SBNO1: variants seen among roughly 807,000 people sequenced by gnomAD.
SBNO1 encodes the protein protein strawberry notch homolog 1.
A neutral mutation model predicts 173.6 loss-of-function variants in SBNO1; 23 were observed. That is an observed-to-expected ratio of 0.13 (90% CI 0.10 to 0.19). SBNO1 has a LOEUF of 0.19. Ranked by LOEUF, SBNO1 falls within the 10% of genes least tolerant of loss-of-function variation. The pLI, the probability that SBNO1 is intolerant of heterozygous loss-of-function variation, is 1.00. For missense variants in SBNO1, 1,238 were observed against 1,671.2 expected (o/e 0.74, Z 4.52); for synonymous variants, 632 against 571.5 (o/e 1.11, Z -1.51).
intron 5 of SBNO1, among the ~76,000 whole-genome samples, chr12:123,338,691 T>C (rs532196187): frequency 3.0e-4 from 45 of 150,870 alleles, no homozygotes; most frequent in Admixed American, 2.0e-3. Flanking sequence ...TCAAAATAAA[T>C]AAACAAAATA....
intron 14 of SBNO1, 39 bp from the exon 15 acceptor site, chr12:123,325,638 T>C (rs1351686381): frequency 7.8e-7 from 1 of 1,282,852 alleles, no homozygotes; most frequent in Non-Finnish European, 1.1e-6. Context: ...TGAATAATAA[T>C]GTTTGTGGCT....
intron 5 of SBNO1, among the ~76,000 whole-genome samples, chr12:123,340,335 C>T (rs1872380223): frequency 6.6e-6 from 1 of 152,058 alleles, no homozygotes; most frequent in African/African-American, 2.4e-5. Flanking sequence ...AATCTCAGCA[C>T]TTTCGGAGGC....
intron 20 of SBNO1, 138 bp downstream of exon 20, chr12:123,319,762 T>C (rs1593356571): frequency 4.1e-6 from 3 of 724,710 alleles, no homozygotes; most frequent in South Asian, 1.8e-5. Flanking sequence ...ATATTCAGTA[T>C]GTACAATTAC....
intron 1 of SBNO1, among the ~76,000 whole-genome samples, chr12:123,352,310 C>T (rs1873967559): frequency 6.6e-6 from 1 of 152,148 alleles, no homozygotes; most frequent in Admixed American, 6.6e-5. Flanking sequence ...TGGCATTAGC[C>T]AAGAGTACGA....
intron 29 of SBNO1, 45 bp from the exon 30 acceptor site, chr12:123,302,945 A>G (rs1430044275): frequency 7.1e-6 from 10 of 1,411,888 alleles, no homozygotes; most frequent in Non-Finnish European, 1.0e-5. Context: ...ATTGCTTTAA[A>G]TAAACTGGTT....
Position 123,340,821 on chromosome 12 carries a change from A to C in SBNO1, c.651+167T>G, listed in dbSNP as rs568020142. Among the ~76,000 whole-genome samples the C allele has an allele frequency of 2.4e-3, 358 of 152,192 alleles. 2 individuals are homozygous for C. Among genetic ancestry groups the C allele is most frequent in the African/African-American group, 7.6e-3 (314 of 41,536 alleles). On this transcript the variant is annotated intron_variant, in intron 5 of 31. Coordinates refer to ENST00000602398, the MANE Select transcript of SBNO1 (RefSeq NM_001167856.3). ...GCAAGTTTTAACCACCCTGGTTAGT[A>C]TCTATATTACTCCAGCGAGGTTTAA... is the stretch of plus-strand genomic sequence containing the variant.
At chr12:123,305,505 GCT>G (rs1336470168) in intron 28 of SBNO1, among the ~76,000 whole-genome samples, 2 of 151,970 alleles carry the variant, frequency 1.3e-5, no homozygotes, top group Non-Finnish European at 2.9e-5. Context: ...AGACAGTCTT[GCT>G]CTGTCACCAG....
In SBNO1 at chr12:123,345,396, T is replaced by C. The variant is rs1054761823; in HGVS notation, c.412A>G (p.Thr138Ala). ...GCAGAGGTCATGGCATTTCGTACTG[T>C]TGGTGCTGAGACTGACGGGCGTGTG... ...ASTRPSVSAP[T>A]VRNAMTSAPS... The change falls in exon 4 of 32, where the codon ACA becomes GCA. Residue 138 changes from threonine (T) to alanine (A), a missense_variant. Coordinates refer to ENST00000602398, the MANE Select transcript of SBNO1 (RefSeq NM_001167856.3). The C allele has an allele frequency of 1.2e-5, 20 of 1,614,104 alleles. No homozygotes were observed. The highest frequency in any genetic ancestry group is 1.4e-5 in the Non-Finnish European group (17 of 1,180,058).
At chr12:123,350,470 T>C (rs200544313) in intron 1 of SBNO1, 29 bp from the exon 2 acceptor site, 2 of 1,548,318 alleles carry the variant, frequency 1.3e-6, no homozygotes, top group African/African-American at 2.7e-5. Flanking sequence ...AATATTAACA[T>C]AAAAAACAAA....
At chr12:123,352,896 C>G (rs1344467757) in intron 1 of SBNO1, among the ~76,000 whole-genome samples, 1 of 152,184 alleles carries the variant, frequency 6.6e-6, no homozygotes, top group Non-Finnish European at 1.5e-5. Flanking sequence ...CTTCCAGGTT[C>G]AAGAAATTCT....
intron 3 of SBNO1, among the ~76,000 whole-genome samples, chr12:123,346,355 A>G (rs970523195): frequency 9.2e-5 from 14 of 152,336 alleles, no homozygotes; most frequent in African/African-American, 3.4e-4. Context: ...TCCTTTAATA[A>G]TGAGTCTTTA....
intron 24 of SBNO1, among the ~76,000 whole-genome samples, chr12:123,313,145 T>C (rs1040910799): frequency 2.0e-5 from 3 of 151,292 alleles, no homozygotes; most frequent in African/African-American, 7.3e-5. Context: ...GAGGTTGCAG[T>C]GAGCCGAGAT....
intron 6 of SBNO1, among the ~76,000 whole-genome samples, chr12:123,335,887 G>C (rs1871780942): frequency 6.6e-6 from 1 of 152,154 alleles, no homozygotes; most frequent in Non-Finnish European, 1.5e-5. Context: ...GAGTCTATCA[G>C]TAGTTGATAA....
intron 1 of SBNO1, among the ~76,000 whole-genome samples, chr12:123,358,828 C>T (rs190752450): frequency 6.6e-6 from 1 of 151,586 alleles, no homozygotes; most frequent in Non-Finnish European, 1.5e-5. Context: ...TTCAGAAGGT[C>T]TGACACCACA....
At chr12:123,347,918 C>T in intron 3 of SBNO1, 111 bp downstream of exon 3, 1 of 557,078 alleles carries the variant, frequency 1.8e-6, no homozygotes, top group Non-Finnish European at 3.3e-6. Context: ...CCTCCTACCT[C>T]AGCCTCTCAA....
In SBNO1 at chr12:123,295,146, A is replaced by C. The variant is rs949234499; in HGVS notation, c.*762T>G. On this transcript the variant is annotated 3_prime_UTR_variant, in exon 32 of 32. Transcript: ENST00000602398. ...AAAATTAACTTTTAAGAGTTTTATC[A>C]CAGAAAAATGTATGTATTCATTACC... 1.3e-5 allele frequency: 2 copies of C among 152,220 alleles called. No homozygotes were observed. Among genetic ancestry groups the C allele is most frequent in the Non-Finnish European group, 2.9e-5 (2 of 68,042 alleles). The allele number at this position is 152,220 out of a possible 1,614,324, so 9.4% of individuals were successfully genotyped here.
At chr12:123,316,703 CTTTTTTTTTT>C (rs545944754) in intron 21 of SBNO1, among the ~76,000 whole-genome samples, 2 of 123,900 alleles carry the variant, frequency 1.6e-5, no homozygotes, top group East Asian at 5.1e-4. Context: ...TTTTCTTCTT[CTTTTTTTTTT>C]TTTTTTTGAG....
chr12:123,342,286 A>G (rs188939845), intron 4 of SBNO1, among the ~76,000 whole-genome samples: 13 of 151,820 alleles, frequency 8.6e-5, no homozygotes, highest in African/African-American at 3.1e-4. Flanking sequence ...AAAATTTAAA[A>G]AAATACAAAA....
chr12:123,299,947 C>A (rs886740550), intron 30 of SBNO1, among the ~76,000 whole-genome samples: 28 of 152,092 alleles, frequency 1.8e-4, no homozygotes, highest in African/African-American at 6.8e-4. Flanking sequence ...TATGAAACTA[C>A]TGATACACTG....
Sources: allele counts gnomAD v4.1 joint callset (sites outside exome capture counted in the v4.1 genomes callset), GRCh38; gene constraint gnomAD v4.1.1; transcripts MANE v1.5; gene names NCBI Gene and HGNC (gene_info 2026-07-23, HGNC 2026-07-21).